Variants in KIF26B observed in about 807,000 individuals in gnomAD.
KIF26B encodes the protein kinesin-like protein KIF26B.
In KIF26B, 63 loss-of-function variants were observed where a neutral mutation model predicts 151.2. The observed-to-expected ratio is 0.42, with a 90% CI of 0.34 to 0.51. KIF26B has a LOEUF of 0.51. KIF26B is among the 20% of genes least tolerant of loss of function. KIF26B has a pLI of 0.07. For synonymous variants in KIF26B, 1,357 were observed against 1,262.1 expected (o/e 1.08, Z -1.59); for missense variants, 2,813 against 2,913.6 (o/e 0.97, Z 0.79).
rs760991384 is a variant in KIF26B at position 245,540,833 on chromosome 1, C to T, written c.1233C>T (p.Ala411=). Residue 411 remains alanine (A), a synonymous_variant, in exon 5 of 15, where the codon GCC becomes GCT. Transcript: ENST00000407071. The surrounding 1 kb of genome is among the most constrained non-coding windows in gnomAD (Gnocchi z 4.6). The part of the protein sequence containing the change: ...KKHRPSTSSA[A]EPPLFATSFS... ...ATCGGCCTTCCACTTCTTCCGCTGC[C>T]GAACCACCGCTCTTTGCAACCAGCT... 1.4e-5 allele frequency: 22 copies of T among 1,613,812 alleles called. No individual in the cohort carries two copies. In the Admixed American group the frequency reaches 1.7e-4, roughly 12 times the overall value.
intron 2 of KIF26B, among the ~76,000 whole-genome samples, chr1:245,249,779 A>C (rs1670409230): frequency 6.6e-6 from 1 of 152,136 alleles, no homozygotes. Flanking sequence ...CACTGCATCA[A>C]AATGCAATTT....
intron 2 of KIF26B, among the ~76,000 whole-genome samples, chr1:245,349,996 C>G (rs1013567434): frequency 6.6e-6 from 1 of 152,148 alleles, no homozygotes; most frequent in African/African-American, 2.4e-5. Flanking sequence ...TTGTTGGTAA[C>G]CTCCTGACCA....
At chr1:245,701,653 G>A (rs2044773825) in intron 14 of KIF26B, among the ~76,000 whole-genome samples, 4 of 152,150 alleles carry the variant, frequency 2.6e-5, no homozygotes, top group Admixed American at 2.6e-4. Flanking sequence ...ATTCTTCACA[G>A]CAACTCAAGG....
At chr1:245,331,041 T>C (rs1296188218) in intron 2 of KIF26B, among the ~76,000 whole-genome samples, 2 of 151,880 alleles carry the variant, frequency 1.3e-5, no homozygotes, top group Admixed American at 6.6e-5. Context: ...ACCATGATCC[T>C]GAGACGCTGA....
chr1:245,689,043 G>C (rs533347090), intron 12 of KIF26B, among the ~76,000 whole-genome samples: 2 of 152,306 alleles, frequency 1.3e-5, no homozygotes, highest in East Asian at 3.9e-4. Flanking sequence ...CTCCGCCGGG[G>C]ACATCACCGC....
chr1:245,402,338 T>A (rs1387112372), intron 3 of KIF26B, among the ~76,000 whole-genome samples: 1 of 152,208 alleles, frequency 6.6e-6, no homozygotes, highest in Non-Finnish European at 1.5e-5. Flanking sequence ...GGTGCCTTCA[T>A]CTGAGTCCCT....
intron 2 of KIF26B, among the ~76,000 whole-genome samples, chr1:245,255,734 T>C (rs77059829): frequency 0.014 from 2,060 of 152,322 alleles, 39 homozygotes; most frequent in African/African-American, 0.037. Flanking sequence ...AAGGCAGCAG[T>C]ATATTATAGA....
intron 3 of KIF26B, among the ~76,000 whole-genome samples, chr1:245,414,979 T>G (rs1674381938): frequency 6.6e-6 from 1 of 152,216 alleles, no homozygotes; most frequent in African/African-American, 2.4e-5. Flanking sequence ...TCAACTTCCC[T>G]ACTTGACGGC....
At chr1:245,694,712 C>T (rs939355589) in intron 12 of KIF26B, among the ~76,000 whole-genome samples, 4 of 152,124 alleles carry the variant, frequency 2.6e-5, no homozygotes, top group African/African-American at 9.7e-5. Flanking sequence ...ACAGGAGGGG[C>T]GAGGGGGTGG....
intron 2 of KIF26B, among the ~76,000 whole-genome samples, chr1:245,213,974 C>T (rs1183034765): frequency 2.6e-5 from 4 of 152,176 alleles, no homozygotes; most frequent in East Asian, 1.9e-4. Context: ...AGGGACCAGC[C>T]GCTGAGATTT....
chr1:245,370,609 C>T (rs1362607327), intron 3 of KIF26B: 6 of 456,516 alleles, frequency 1.3e-5, no homozygotes, highest in Admixed American at 2.3e-5. Flanking sequence ...TGGCAGGGGC[C>T]GGTTAGAAGA....
chr1:245,542,950 T>C (rs1440492421), intron 5 of KIF26B, among the ~76,000 whole-genome samples: 1 of 152,174 alleles, frequency 6.6e-6, no homozygotes, highest in Non-Finnish European at 1.5e-5. Context: ...AGCAAATGTT[T>C]AAGTGGTATC....
intron 6 of KIF26B, 58 bp from the exon 7 acceptor site, chr1:245,607,593 A>T: frequency 7.2e-7 from 1 of 1,382,864 alleles, no homozygotes; most frequent in Non-Finnish European, 1.0e-6. Context: ...TTTCGTTGTT[A>T]GTGGTGTCTC....
At chr1:245,622,573 C>T (rs10924258) in intron 9 of KIF26B, among the ~76,000 whole-genome samples, 1 of 152,044 alleles carries the variant, frequency 6.6e-6, no homozygotes. Context: ...ACGCTCTGCT[C>T]GCTTTTTGTA....
intron 4 of KIF26B, among the ~76,000 whole-genome samples, chr1:245,531,419 CT>C (rs928074782): frequency 6.6e-6 from 1 of 151,878 alleles, no homozygotes; most frequent in African/African-American, 2.4e-5. Context: ...AGGCCTCGTT[CT>C]TTTTTTTCAA....
At chr1:245,522,465 G>T (rs1259443788) in intron 4 of KIF26B, among the ~76,000 whole-genome samples, 3 of 152,166 alleles carry the variant, frequency 2.0e-5, no homozygotes, top group Admixed American at 1.3e-4. Flanking sequence ...TGTTCATCTG[G>T]CATGGGGACA....
At chr1:245,422,417 G>T (rs916682076) in intron 4 of KIF26B, among the ~76,000 whole-genome samples, 1 of 152,080 alleles carries the variant, frequency 6.6e-6, no homozygotes, top group African/African-American at 2.4e-5. Context: ...TCACTGAGGG[G>T]CACCCAAAGC....
intron 10 of KIF26B, among the ~76,000 whole-genome samples, chr1:245,670,093 G>A (rs561864054): frequency 3.3e-5 from 5 of 151,928 alleles, no homozygotes; most frequent in Admixed American, 1.3e-4. Flanking sequence ...GTTCATCCAC[G>A]TAACCAAAAA....
intron 4 of KIF26B, among the ~76,000 whole-genome samples, chr1:245,528,872 G>A (rs1488010170): frequency 6.6e-6 from 1 of 152,152 alleles, no homozygotes; most frequent in Non-Finnish European, 1.5e-5. Flanking sequence ...TCTAGATCTT[G>A]ACCTAGAACT....
Sources: allele counts gnomAD v4.1 joint callset (sites outside exome capture counted in the v4.1 genomes callset), GRCh38; gene constraint gnomAD v4.1.1; non-coding constraint Gnocchi (gnomAD v3.1); transcripts MANE v1.5; gene names NCBI Gene and HGNC (gene_info 2026-07-23, HGNC 2026-07-21).